MARCHF8: variants seen among roughly 807,000 people sequenced by gnomAD.
MARCHF8 encodes the protein E3 ubiquitin-protein ligase MARCHF8.
Under a neutral mutation model 51.6 loss-of-function variants are expected in MARCHF8, and 40 were observed. That is an observed-to-expected ratio of 0.77 (90% CI 0.60 to 1.01). The LOEUF (loss-of-function observed/expected upper bound fraction) is 1.01, where lower values mean the gene tolerates loss of function less well. Ranked by LOEUF, MARCHF8 falls within the 50% of genes least tolerant of loss-of-function variation. MARCHF8 has a pLI of 0.00. For synonymous variants in MARCHF8, 263 were observed against 280.3 expected (o/e 0.94, Z 0.62); for missense variants, 685 against 708.6 (o/e 0.97, Z 0.38).
intron 1 of MARCHF8, among the ~76,000 whole-genome samples, chr10:45,568,702 A>AGC: frequency 8.4e-6 from 1 of 119,304 alleles, no homozygotes; most frequent in Non-Finnish European, 1.7e-5. Flanking sequence ...CTGGTGACAG[A>AGC]GCGAGACTGT....
At chr10:45,496,338 C>T (rs923996183) in intron 2 of MARCHF8, among the ~76,000 whole-genome samples, 1 of 151,888 alleles carries the variant, frequency 6.6e-6, no homozygotes, top group Admixed American at 6.6e-5. Context: ...TATTGTTAAA[C>T]CTATAACATA....
At chr10:45,507,622 G>GCCTC (rs2043410253) in intron 2 of MARCHF8, among the ~76,000 whole-genome samples, 1 of 152,082 alleles carries the variant, frequency 6.6e-6, no homozygotes, top group Non-Finnish European at 1.5e-5. Context: ...TGAGGGATCC[G>GCCTC]CCTCTATGAC....
chr10:45,487,376 G>A (rs1219574688), intron 3 of MARCHF8, among the ~76,000 whole-genome samples: 1 of 152,112 alleles, frequency 6.6e-6, no homozygotes, highest in Non-Finnish European at 1.5e-5. Flanking sequence ...TAAAGCATAG[G>A]ATGTCCTCCT....
chr10:45,509,617 T>C (rs80130368), intron 2 of MARCHF8, among the ~76,000 whole-genome samples: 2,151 of 152,320 alleles, frequency 0.014, 24 homozygotes, highest in Non-Finnish European at 0.02. Context: ...CTAAACACTT[T>C]TAAGTGTTCT....
intron 2 of MARCHF8, among the ~76,000 whole-genome samples, chr10:45,506,512 T>C (rs527373452): frequency 6.6e-6 from 1 of 152,326 alleles, no homozygotes; most frequent in South Asian, 2.1e-4. Context: ...TTGCAATATA[T>C]CAGCTTGAAG....
intron 3 of MARCHF8, among the ~76,000 whole-genome samples, chr10:45,482,520 A>G (rs997586218): frequency 1.3e-5 from 2 of 152,182 alleles, no homozygotes; most frequent in Non-Finnish European, 2.9e-5. Flanking sequence ...TTGGGAGGCC[A>G]AGGCAGGTGG....
intron 2 of MARCHF8, among the ~76,000 whole-genome samples, chr10:45,514,303 C>G (rs1207242913): frequency 6.6e-6 from 1 of 152,234 alleles, no homozygotes; most frequent in Non-Finnish European, 1.5e-5. Context: ...AGTGAGAAAC[C>G]AGGCACAGCT....
At position 45,456,856 on chromosome 10, in the gene MARCHF8, T is replaced by C. The variant is rs189993301; in HGVS notation, c.*1383A>G. On this transcript the variant is annotated 3_prime_UTR_variant, in exon 8 of 8. Transcript: ENST00000453424. The stretch of plus-strand genomic sequence containing the variant: ...TGATTTTGGTTTTGTTTTATGAAAA[T>C]GGTACAGGTGGTAATCCCTGATGAC... The C allele has an allele frequency of 1.3e-3, 201 of 152,324 alleles. 1 individual carries two copies. Among genetic ancestry groups the C allele is most frequent in the African/African-American group, 4.4e-3 (181 of 41,568 alleles). The allele number at this position is 152,324 out of a possible 1,614,324, so 9.4% of individuals were successfully genotyped here. A position where few individuals can be genotyped will look rare whatever the true frequency, so the allele number is the denominator to read the frequency against.
At chr10:45,504,661 T>A (rs1456904442) in intron 2 of MARCHF8, among the ~76,000 whole-genome samples, 1 of 152,200 alleles carries the variant, frequency 6.6e-6, no homozygotes, top group African/African-American at 2.4e-5. Context: ...ACAGTATGAA[T>A]TTCATTCTTA....
rs182354614 is a variant in MARCHF8 at position 45,545,014 on chromosome 10, G to A, written c.-78-11725C>T. Among the ~76,000 whole-genome samples the A allele has an allele frequency of 9.9e-5, 15 of 152,174 alleles. No homozygotes were observed. In the East Asian group the frequency reaches 2.9e-3, roughly 29 times the overall value. On this transcript the variant is annotated intron_variant, in intron 1 of 6. Coordinates refer to the MARCHF8 transcript ENST00000319836. The stretch of plus-strand genomic sequence containing the variant: ...CCTATATATATGGTATTCTCTGCCT[G>A]CAACACTCTTCCTTCCCCTTTTGGG...
At chr10:45,540,687 TC>T (rs1401526402) in intron 1 of MARCHF8, among the ~76,000 whole-genome samples, 1 of 152,022 alleles carries the variant, frequency 6.6e-6, no homozygotes, top group African/African-American at 2.4e-5. Context: ...AGGGCTAATA[TC>T]CAGAATCTAC....
At chr10:45,536,986 GACAA>G (rs1441747344), upstream of MARCHF8, among the ~76,000 whole-genome samples, 1 of 151,962 alleles carries the variant, frequency 6.6e-6, no homozygotes, top group South Asian at 2.1e-4. Context: ...CATAATAAAA[GACAA>G]ACAAGTGTTA....
At chr10:45,572,271 G>C (rs2044438873) in intron 1 of MARCHF8, among the ~76,000 whole-genome samples, 1 of 149,732 alleles carries the variant, frequency 6.7e-6, no homozygotes, top group African/African-American at 2.5e-5. Flanking sequence ...CCACTTTCCT[G>C]GGGGGCAAGC....
Position 45,533,261 on chromosome 10 carries a change from T to G in MARCHF8, c.-50A>C. On this transcript the variant is annotated 5_prime_UTR_variant, in exon 2 of 8. Transcript: ENST00000453424. ...CTTCACAGAAGAGAGTCTCCACTGG[T>G]AGAGTCATTTTGGGCCATGGATTTC... The G allele has an allele frequency of 6.4e-7, 1 of 1,551,640 alleles. No homozygotes were observed. The highest frequency in any genetic ancestry group is 8.7e-7 in the Non-Finnish European group (1 of 1,153,906).
At chr10:45,497,111 T>C (rs2043187845) in intron 2 of MARCHF8, among the ~76,000 whole-genome samples, 1 of 151,736 alleles carries the variant, frequency 6.6e-6, no homozygotes, top group Non-Finnish European at 1.5e-5. Context: ...AGGATTACAG[T>C]AAAAGAAGCA....
At chr10:45,512,413 GC>G (rs2043538312) in intron 2 of MARCHF8, among the ~76,000 whole-genome samples, 1 of 148,214 alleles carries the variant, frequency 6.7e-6, no homozygotes, top group African/African-American at 2.5e-5. Context: ...TCAGCCCCCC[GC>G]CCGGCCAGCC....
At chr10:45,527,319 A>T (rs1438545532) in intron 2 of MARCHF8, among the ~76,000 whole-genome samples, 1 of 152,158 alleles carries the variant, frequency 6.6e-6, no homozygotes, top group Non-Finnish European at 1.5e-5. Flanking sequence ...CAAAAGATAA[A>T]GAAACAAAAA....
At chr10:45,538,777 T>C (rs1385690901), upstream of MARCHF8, among the ~76,000 whole-genome samples, 2 of 152,176 alleles carry the variant, frequency 1.3e-5, no homozygotes, top group African/African-American at 4.8e-5. Flanking sequence ...CTATCCTAAA[T>C]ATATATGCAC....
At chr10:45,494,873 C>A (rs899701041) in intron 2 of MARCHF8, among the ~76,000 whole-genome samples, 2 of 152,164 alleles carry the variant, frequency 1.3e-5, no homozygotes, top group Non-Finnish European at 2.9e-5. Context: ...GTAATCCCAG[C>A]ACTTGGGAGG....
Sources: gnomAD v4.1 joint callset for allele counts (sites outside exome capture counted in the v4.1 genomes callset) on GRCh38, gnomAD v4.1.1 for gene constraint, MANE v1.5 for transcripts, NCBI Gene and HGNC (gene_info 2026-07-23, HGNC 2026-07-21) for gene names.